The following FHIT variants were observed in gnomAD, a reference collection of about 807,000 sequenced individuals.
FHIT encodes the protein fragile histidine triad diadenosine triphosphatase.
FHIT carries 19 observed loss-of-function variants against 17.9 expected under a neutral mutation model. The observed-to-expected ratio is 1.06, with a 90% CI of 0.74 to 1.56. FHIT has a LOEUF of 1.56. FHIT is among the 40% of genes most tolerant of loss of function. The probability of loss-of-function intolerance (pLI) is 0.00; values close to 1 mark genes in which losing one functional copy is unlikely to be tolerated. For synonymous variants in FHIT, 81 were observed against 69.7 expected (o/e 1.16, Z -0.81); for missense variants, 248 against 189.2 (o/e 1.31, Z -1.82).
chr3:61,043,056 G>C (rs1038766605), intron 2 of FHIT, among the ~76,000 whole-genome samples: 1 of 152,138 alleles, frequency 6.6e-6, no homozygotes, highest in African/African-American at 2.4e-5. Flanking sequence ...CAGAAGACAG[G>C]TGATTTCTGC....
chr3:60,106,100 G>A (rs913416374), intron 5 of FHIT, among the ~76,000 whole-genome samples: 1 of 152,142 alleles, frequency 6.6e-6, no homozygotes, highest in Admixed American at 6.5e-5. Context: ...GCATATTCTG[G>A]CTGTATATGC....
chr3:60,631,162 G>T (rs1553682346), intron 4 of FHIT, among the ~76,000 whole-genome samples: 1 of 152,022 alleles, frequency 6.6e-6, no homozygotes, highest in Non-Finnish European at 1.5e-5. Flanking sequence ...GGAGCTTGAG[G>T]CGCCCCTCCT....
intron 3 of FHIT, among the ~76,000 whole-genome samples, chr3:60,831,286 C>T (rs1702317284): frequency 6.6e-6 from 1 of 152,124 alleles, no homozygotes; most frequent in Admixed American, 6.6e-5. Context: ...AAAGCAATTA[C>T]TAAAATGTGA....
intron 3 of FHIT, among the ~76,000 whole-genome samples, chr3:61,004,871 T>G (rs2031336921): frequency 1.3e-5 from 2 of 152,196 alleles, no homozygotes; most frequent in Admixed American, 1.3e-4. Context: ...CATTATGCAC[T>G]CAAACATACC....
At chr3:60,176,885 T>C (rs989287629) in intron 5 of FHIT, among the ~76,000 whole-genome samples, 1 of 152,132 alleles carries the variant, frequency 6.6e-6, no homozygotes, top group Non-Finnish European at 1.5e-5. Flanking sequence ...GGCTACTTAA[T>C]GTTTTCTCCA....
At chr3:60,652,079 G>A (rs2682951) in intron 4 of FHIT, among the ~76,000 whole-genome samples, 79,166 of 152,028 alleles carry the variant, frequency 0.52, 21,359 homozygotes, top group Non-Finnish European at 0.59. Context: ...AAGGAGGGCC[G>A]ACCTGCCTGG....
chr3:60,924,025 T>TGGGAGGGGCCCC (rs1365024341), intron 3 of FHIT, among the ~76,000 whole-genome samples: 1 of 152,066 alleles, frequency 6.6e-6, no homozygotes, highest in Non-Finnish European at 1.5e-5. Context: ...GCCCCTGCCA[T>TGGGAGGGGCCCC]TGCCGAGGCT....
chr3:60,563,219 A>C (rs1275112982), intron 4 of FHIT, among the ~76,000 whole-genome samples: 1 of 152,136 alleles, frequency 6.6e-6, no homozygotes, highest in Non-Finnish European at 1.5e-5. Flanking sequence ...GCAGCAGTGC[A>C]CTTATTCTGG....
chr3:60,817,951 CT>C (rs199502754), intron 4 of FHIT, among the ~76,000 whole-genome samples: 1,666 of 151,968 alleles, frequency 0.011, 30 homozygotes, highest in African/African-American at 0.038. Context: ...CATTTTAAGT[CT>C]TTTTTTCTGT....
intron 5 of FHIT, among the ~76,000 whole-genome samples, chr3:60,469,718 T>C (rs141890450): frequency 1.3e-5 from 2 of 152,264 alleles, no homozygotes; most frequent in East Asian, 1.9e-4. Flanking sequence ...TGTTTGTCAG[T>C]GTCTGGGTTT....
At chr3:59,796,744 T>A (rs1699793287) in intron 8 of FHIT, among the ~76,000 whole-genome samples, 1 of 152,188 alleles carries the variant, frequency 6.6e-6, no homozygotes. Flanking sequence ...AGCCCTGAGA[T>A]GAATTCCAAG....
chr3:59,752,805 T>C (rs1700992809), intron 8 of FHIT, among the ~76,000 whole-genome samples: 1 of 152,106 alleles, frequency 6.6e-6, no homozygotes, highest in Non-Finnish European at 1.5e-5. Context: ...ATTGAAAGGT[T>C]CCTGAGGCCT....
intron 5 of FHIT, among the ~76,000 whole-genome samples, chr3:60,448,677 G>T (rs1238506281): frequency 6.6e-6 from 1 of 152,120 alleles, no homozygotes; most frequent in Non-Finnish European, 1.5e-5. Flanking sequence ...GGACAGCATT[G>T]ATCATTTTCC....
At chr3:60,057,056 T>C (rs974275592) in intron 5 of FHIT, among the ~76,000 whole-genome samples, 7 of 152,160 alleles carry the variant, frequency 4.6e-5, no homozygotes, top group Non-Finnish European at 1.0e-4. Flanking sequence ...CATCCACTAT[T>C]ATGCATGTCT....
chr3:60,442,404 A>T (rs1406696533), intron 5 of FHIT, among the ~76,000 whole-genome samples: 4 of 152,150 alleles, frequency 2.6e-5, no homozygotes, highest in Non-Finnish European at 4.4e-5. Flanking sequence ...TTATGGTTTA[A>T]GATCTAACAT....
At chr3:61,219,831 C>A (rs767042738) in intron 1 of FHIT, among the ~76,000 whole-genome samples, 3 of 152,160 alleles carry the variant, frequency 2.0e-5, no homozygotes, top group Admixed American at 2.0e-4. Flanking sequence ...ATCCAAACCC[C>A]AGCTCCCTTA....
intron 4 of FHIT, among the ~76,000 whole-genome samples, chr3:60,543,536 T>C (rs935797700): frequency 5.3e-5 from 8 of 152,178 alleles, no homozygotes; most frequent in African/African-American, 1.9e-4. Flanking sequence ...ATTTCCCTTA[T>C]ATGTTTTATG....
At chr3:60,118,101 T>G (rs1383918955) in intron 5 of FHIT, among the ~76,000 whole-genome samples, 1 of 152,132 alleles carries the variant, frequency 6.6e-6, no homozygotes. Context: ...GGTGTTATAA[T>G]GTATTTTGAT....
intron 4 of FHIT, among the ~76,000 whole-genome samples, chr3:60,557,750 A>G (rs17063507): frequency 0.11 from 17,363 of 152,042 alleles, 1,185 homozygotes; most frequent in Middle Eastern, 0.21. Context: ...ATAATAATTA[A>G]AAGACTGATA....
Sources: gnomAD v4.1 joint callset for allele counts (sites outside exome capture counted in the v4.1 genomes callset) on GRCh38, gnomAD v4.1.1 for gene constraint, MANE v1.5 for transcripts, NCBI Gene and HGNC (gene_info 2026-07-23, HGNC 2026-07-21) for gene names.